CHD1L: variants seen among roughly 807,000 people sequenced by gnomAD.
The protein encoded by CHD1L is chromodomain helicase DNA binding protein 1 like.
A neutral mutation model predicts 115.9 loss-of-function variants in CHD1L; 118 were observed. That is an observed-to-expected ratio of 1.02 (90% confidence interval 0.88 to 1.19). The LOEUF is 1.19. Ranked by LOEUF, CHD1L falls within the 50% of genes most tolerant of loss-of-function variation. The pLI, the probability that CHD1L is intolerant of heterozygous loss-of-function variation, is 0.00. For synonymous variants in CHD1L, 411 were observed against 387.1 expected (o/e 1.06, Z -0.72); for missense variants, 1,179 against 1,065.3 (o/e 1.11, Z -1.49).
the CHD1L span, chr1:147,203,466 T>G: frequency 3.6e-6 from 3 of 832,864 alleles, no homozygotes; most frequent in Non-Finnish European, 2.1e-6. Flanking sequence ...CAGCAGGGAC[T>G]ACAGCCTCAG....
chr1:147,219,840 CTT>C, the CHD1L span, among the ~76,000 whole-genome samples: 6 of 132,854 alleles, frequency 4.5e-5, no homozygotes, highest in East Asian at 2.2e-4. Context: ...ATGTTAATTG[CTT>C]TTTTTTTTTT....
chr1:147,254,009 T>G (rs1325081107), intron 2 of CHD1L, among the ~76,000 whole-genome samples: 1 of 152,248 alleles, frequency 6.6e-6, no homozygotes, highest in African/African-American at 2.4e-5. Context: ...AACATCTTTG[T>G]GCTTGTAGCT....
the CHD1L span, chr1:147,213,258 T>C: frequency 6.9e-7 from 1 of 1,457,000 alleles, no homozygotes; most frequent in Non-Finnish European, 9.2e-7. Context: ...TCCTCAGGGG[T>C]CAGGTCACAG....
In CHD1L at chr1:147,294,402, A is replaced by G. The variant is rs782474187; in HGVS notation, c.2507-7A>G. ...AGTGAAGACATGTGTTCTTCTCTTC[A>G]TAATAGCAAGTGTTCATCTTCCACG... On this transcript the variant is annotated splice_polypyrimidine_tract_variant and splice_region_variant and intron_variant, in intron 21 of 22. Coordinates refer to ENST00000369258, the MANE Select transcript of CHD1L (RefSeq NM_004284.6). The G allele has an allele frequency of 6.2e-6, 10 of 1,606,384 alleles. No individual in the cohort carries two copies. The highest frequency in any genetic ancestry group is 7.7e-6 in the Non-Finnish European group (9 of 1,175,758).
Position 147,272,202 on chromosome 1 carries a change from G to C in CHD1L, c.1191G>C (p.Val397=). 1.1e-5 allele frequency: 18 copies of C among 1,614,130 alleles called. No individual in the cohort carries two copies. The highest frequency in any genetic ancestry group is 1.5e-5 in the Non-Finnish European group (18 of 1,180,000). ...GYSYERVDGS[V]RGEERHLAIK... is the part of the protein sequence containing the mutation. ...GCTATGAGCGTGTGGATGGTTCTGT[G>C]AGAGGAGAAGAGAGACACTTGGCCA... Residue 397 remains valine (V), a synonymous_variant, in exon 12 of 23, where the codon GTG becomes GTC. Coordinates refer to ENST00000369258, the MANE Select transcript of CHD1L (RefSeq NM_004284.6).
rs1197977070 is a variant in CHD1L at position 147,271,667 on chromosome 1, C to T, written c.1160-504C>T. On this transcript the variant is annotated intron_variant, in intron 11 of 22. Transcript: ENST00000369258. ...GAATGCCGTTGGCACATGCCACTGGCCATTGAGGGGTCCCCAGATGCATAA... is the reference window on the plus strand; with the variant it reads ...GAATGCCGTTGGCACATGCCACTGGTCATTGAGGGGTCCCCAGATGCATAA... Among the ~76,000 whole-genome samples the T allele has an allele frequency of 2.0e-5, 3 of 152,174 alleles. No homozygotes were observed. In the East Asian group the frequency reaches 5.8e-4, roughly 29 times the overall value.
the CHD1L span, chr1:147,203,149 T>C: frequency 1.8e-6 from 1 of 545,022 alleles, no homozygotes; most frequent in Non-Finnish European, 3.2e-6. Context: ...ATGTTTATTA[T>C]AACATCCAGC....
intron 20 of CHD1L, among the ~76,000 whole-genome samples, chr1:147,291,756 G>A (rs10793659): frequency 0.057 from 8,679 of 152,144 alleles, 344 homozygotes; most frequent in African/African-American, 0.12. Flanking sequence ...TCAAGGTATC[G>A]GCAGGTTTGG....
chr1:147,262,684 G>A (rs1559776359), intron 6 of CHD1L, among the ~76,000 whole-genome samples: 1 of 150,812 alleles, frequency 6.6e-6, no homozygotes, highest in Non-Finnish European at 1.5e-5. Context: ...TGAATGGGTA[G>A]ACATTGATTA....
At chr1:147,250,301 A>G (rs1331969980) in intron 1 of CHD1L, among the ~76,000 whole-genome samples, 1 of 152,174 alleles carries the variant, frequency 6.6e-6, no homozygotes, top group Admixed American at 6.5e-5. Flanking sequence ...AATGATTTTT[A>G]TAAGAATTGG....
chr1:147,286,656 A>G (rs1683252510), intron 18 of CHD1L, among the ~76,000 whole-genome samples, 156 bp downstream of exon 18: 1 of 152,168 alleles, frequency 6.6e-6, no homozygotes, highest in South Asian at 2.1e-4. Context: ...TTCCAGAATC[A>G]TTTCACTCTT....
At chr1:147,281,222 C>T (rs1321851411) in intron 15 of CHD1L, among the ~76,000 whole-genome samples, 7 of 152,164 alleles carry the variant, frequency 4.6e-5, no homozygotes, top group African/African-American at 1.7e-4. Context: ...TGCTCTGATC[C>T]ACTCAGACCT....
intron 1 of CHD1L, 198 bp downstream of exon 1, chr1:147,243,028 G>A: frequency 1.7e-6 from 1 of 580,120 alleles, no homozygotes; most frequent in Non-Finnish European, 2.5e-6. Flanking sequence ...GCGGCGCGCG[G>A]GGCCGGCGGA....
At chr1:147,287,586 C>A (rs369343590) in intron 18 of CHD1L, 49 bp from the exon 19 acceptor site, 4 of 1,352,690 alleles carry the variant, frequency 3.0e-6, no homozygotes, top group Admixed American at 1.9e-5. Context: ...CTAAATTGTG[C>A]ACTGGACTTC....
At chr1:147,204,420 T>C in the CHD1L span, 2,811 of 1,176,890 alleles carry the variant, frequency 2.4e-3, 50 homozygotes, top group African/African-American at 0.038. Context: ...TACCATATTG[T>C]TTACACATTA....
the CHD1L span, among the ~76,000 whole-genome samples, chr1:147,233,534 G>T: frequency 6.7e-6 from 1 of 148,730 alleles, no homozygotes; most frequent in Admixed American, 6.6e-5. Flanking sequence ...GCCTCTGCCC[G>T]GCCGCCCCTA....
At chr1:147,208,920 G>A in the CHD1L span, 4 of 1,613,924 alleles carry the variant, frequency 2.5e-6, no homozygotes, top group African/African-American at 4.0e-5. Flanking sequence ...CCAAATATTT[G>A]TTTGCTAATG....
At position 147,285,490 on chromosome 1, in the gene CHD1L, A is replaced by G; in HGVS notation, c.2018+3A>G. On this transcript the variant is annotated splice_donor_region_variant and intron_variant, in intron 17 of 22. Transcript: ENST00000369258. The stretch of plus-strand genomic sequence containing the variant: ...GAAGAGGCTGAACATAAGAAAAAGT[A>G]TGTCTGCGTTAACCAAGCTGGCGGC... The G allele has an allele frequency of 3.1e-6, 5 of 1,608,728 alleles. No individual in the cohort carries two copies. The highest frequency in any genetic ancestry group is 1.1e-5 in the South Asian group (1 of 90,236).
chr1:147,268,074 C>T lies in CHD1L; in HGVS notation c.988+556C>T, dbSNP rs587742536. Among the ~76,000 whole-genome samples, 4 of 152,308 alleles carry T rather than the reference C, an allele frequency of 2.6e-5. No individual in the cohort carries two copies. In the South Asian group the frequency reaches 6.2e-4, roughly 24 times the overall value. On this transcript the variant is annotated intron_variant, in intron 9 of 22. Transcript: ENST00000369258. ...ACAGCTAATCACTTCTTTCTTGAAG[C>T]ACTTTCGTCCCTCAGCTTCTGGGAT...
Sources: gnomAD v4.1 joint callset for allele counts (sites outside exome capture counted in the v4.1 genomes callset) on GRCh38, gnomAD v4.1.1 for gene constraint, MANE v1.5 for transcripts, NCBI Gene and HGNC (gene_info 2026-07-23, HGNC 2026-07-21) for gene names.